The following HMGXB3 variants were observed in gnomAD, a reference collection of about 807,000 sequenced individuals.
The protein encoded by HMGXB3 is HMG-box containing 3, also known as HMG domain-containing protein 3.
A neutral mutation model predicts 121.5 loss-of-function variants in HMGXB3; 45 were observed. That is an observed-to-expected ratio of 0.37 (90% CI 0.29 to 0.47). The LOEUF (loss-of-function observed/expected upper bound fraction) is 0.47. Ranked by LOEUF, HMGXB3 falls within the 20% of genes least tolerant of loss-of-function variation. The probability of loss-of-function intolerance (pLI) is 0.99; values close to 1 mark genes in which losing one functional copy is unlikely to be tolerated. For missense variants in HMGXB3, 1,376 were observed against 1,602.2 expected, an observed-to-expected ratio of 0.86 and a Z score of 2.41; for synonymous variants, 590 against 624.1, an observed-to-expected ratio of 0.95 and a Z score of 0.81.
intron 1 of HMGXB3, among the ~76,000 whole-genome samples, chr5:150,004,011 C>CT (rs538674187): frequency 1.1e-3 from 154 of 142,170 alleles, no homozygotes; most frequent in Admixed American, 1.1e-3. Context: ...TGACTATTTT[C>CT]TTTTTTTTTT....
chr5:150,002,379 C>T (rs1755592814), intron 1 of HMGXB3, among the ~76,000 whole-genome samples: 1 of 152,162 alleles, frequency 6.6e-6, no homozygotes, highest in Non-Finnish European at 1.5e-5. Flanking sequence ...ATAGACTTCT[C>T]TGAGATCATA....
chr5:150,028,559 ATT>A lies in HMGXB3; in HGVS notation c.1734+1460_1734+1461del, dbSNP rs55858256. On this transcript the variant is annotated intron_variant, in intron 9 of 19. Transcript: ENST00000502717. The stretch of plus-strand genomic sequence containing the variant: ...TGTGTGTGTATATATATATATATAT[ATT>A]TTTTTTTTTTTTTTTTTCCTCCAGA... Among the ~76,000 whole-genome samples the A allele has an allele frequency of 4.0e-3, 157 of 38,896 alleles. 5 individuals carry two copies. Among genetic ancestry groups the A allele is most frequent in the Non-Finnish European group, 5.2e-3 (110 of 21,352 alleles). The allele number at this position is 38,896 out of a possible 152,430, so 25.5% of individuals were successfully genotyped here.
At chr5:150,047,913 T>G (rs546929947) in intron 17 of HMGXB3, among the ~76,000 whole-genome samples, 156 bp downstream of exon 17, 41 of 152,230 alleles carry the variant, frequency 2.7e-4, no homozygotes, top group Non-Finnish European at 6.0e-4. Flanking sequence ...CAGCTAGATG[T>G]GACATGTATG....
At chr5:150,010,897 C>T (rs536380284) in intron 4 of HMGXB3, among the ~76,000 whole-genome samples, 1 of 152,280 alleles carries the variant, frequency 6.6e-6, no homozygotes, top group African/African-American at 2.4e-5. Context: ...TTGAATTATC[C>T]ACGAGTCAAA....
intron 2 of HMGXB3, 99 bp from the exon 3 acceptor site, chr5:150,006,374 A>G: frequency 2.0e-6 from 2 of 981,084 alleles, no homozygotes; most frequent in Non-Finnish European, 3.0e-6. Flanking sequence ...TTACTGGTTG[A>G]ATGAAGTCCT....
intron 13 of HMGXB3, 50 bp from the exon 14 acceptor site, chr5:150,040,698 C>T: frequency 6.6e-7 from 1 of 1,518,182 alleles, no homozygotes; most frequent in Non-Finnish European, 8.8e-7. Flanking sequence ...CTATTTTTTG[C>T]CATTGTGTAT....
chr5:150,034,113 C>T (rs1756447335), intron 11 of HMGXB3, among the ~76,000 whole-genome samples: 1 of 152,104 alleles, frequency 6.6e-6, no homozygotes, highest in Non-Finnish European at 1.5e-5. Flanking sequence ...TTTATAAATC[C>T]CTGAAATTGC....
intron 15 of HMGXB3, 71 bp from the exon 16 acceptor site, chr5:150,045,395 C>T (rs766932659): frequency 1.2e-4 from 148 of 1,258,128 alleles, no homozygotes; most frequent in Admixed American, 3.6e-4. Flanking sequence ...TGTATAATGA[C>T]GGGGTAGGCT....
chr5:150,002,551 A>G (rs1161533059), intron 1 of HMGXB3, among the ~76,000 whole-genome samples: 2 of 152,220 alleles, frequency 1.3e-5, no homozygotes, highest in African/African-American at 2.4e-5. Context: ...TCCTCCTGAC[A>G]GATTTTCAGG....
chr5:150,048,732 A>G, intron 18 of HMGXB3, 47 bp downstream of exon 18: 1 of 1,318,982 alleles, frequency 7.6e-7, no homozygotes, highest in Non-Finnish European at 1.1e-6. Context: ...GCTAATGTTG[A>G]ACTTCCCATA....
chr5:150,001,304 G>C (rs1356868634), intron 1 of HMGXB3, 125 bp downstream of exon 1: 1 of 152,252 alleles, frequency 6.6e-6, no homozygotes, highest in Non-Finnish European at 1.5e-5. Flanking sequence ...TCCTCCTTCC[G>C]CAATCCGTAT....
intron 5 of HMGXB3, among the ~76,000 whole-genome samples, chr5:150,014,065 G>A (rs1755904043): frequency 6.6e-6 from 1 of 152,256 alleles, no homozygotes; most frequent in African/African-American, 2.4e-5. Flanking sequence ...TACTACCTGT[G>A]TGGAAAAATT....
intron 9 of HMGXB3, 52 bp downstream of exon 9, chr5:150,027,169 T>C (rs553755783): frequency 5.5e-6 from 8 of 1,448,844 alleles, no homozygotes; most frequent in Non-Finnish European, 7.5e-6. Context: ...GCTGCTTCCA[T>C]GTAATGTATC....
chr5:150,030,710 A>G (rs1440675584), intron 9 of HMGXB3, 31 bp from the exon 10 acceptor site: 18 of 1,510,582 alleles, frequency 1.2e-5, no homozygotes, highest in Admixed American at 3.9e-5. Flanking sequence ...CTAAGGTTCA[A>G]AAGCACTAAA....
intron 19 of HMGXB3, among the ~76,000 whole-genome samples, chr5:150,050,685 T>C (rs1756868996): frequency 6.6e-6 from 1 of 152,248 alleles, no homozygotes; most frequent in Non-Finnish European, 1.5e-5. Flanking sequence ...TTGGCCATTT[T>C]GCCCAGGCCG....
chr5:150,015,963 A>G (rs902960857), intron 5 of HMGXB3, among the ~76,000 whole-genome samples: 9 of 152,202 alleles, frequency 5.9e-5, no homozygotes, highest in Non-Finnish European at 1.5e-5. Context: ...GGAATGTTCT[A>G]TACATATCTA....
chr5:150,047,431 G>C (rs754903390), intron 16 of HMGXB3, 193 bp from the exon 17 acceptor site: 47 of 603,372 alleles, frequency 7.8e-5, no homozygotes, highest in Admixed American at 2.2e-4. Context: ...AGATGTTCCA[G>C]GGCAGAAAGC....
At chr5:150,028,999 CTT>C (rs1756311730) in intron 9 of HMGXB3, among the ~76,000 whole-genome samples, 1 of 152,078 alleles carries the variant, frequency 6.6e-6, no homozygotes, top group Non-Finnish European at 1.5e-5. Context: ...TGTCATGTCT[CTT>C]TAGCTTCCTT....
rs182591110 is a variant in HMGXB3, at chr5:150,004,463, A to G, written c.-2-388A>G. On this transcript the variant is annotated intron_variant, in intron 1 of 19. Coordinates refer to ENST00000502717, the MANE Select transcript of HMGXB3 (RefSeq NM_014983.3). ...GATTCCTGGCCAAGCATTTTTTTTT[A>G]ACCTGTTTCCATATAGAATTGTTAT... Among the ~76,000 whole-genome samples, 288 of 152,228 alleles carry G rather than the reference A, an allele frequency of 1.9e-3. 1 individual carries two copies. Among genetic ancestry groups the G allele is most frequent in the Admixed American group, 5.3e-3 (81 of 15,290 alleles).
Sources: gnomAD v4.1 joint callset for allele counts (sites outside exome capture counted in the v4.1 genomes callset) on GRCh38, gnomAD v4.1.1 for gene constraint, MANE v1.5 for transcripts, NCBI Gene and HGNC (gene_info 2026-07-23, HGNC 2026-07-21) for gene names.